Variants in GLCE observed in about 807,000 individuals in gnomAD.
The protein encoded by GLCE is D-glucuronyl C5-epimerase.
In GLCE, 19 loss-of-function variants were observed where a neutral mutation model predicts 47.9. The ratio of observed to expected loss-of-function variants is 0.40; its 90% confidence interval spans 0.28 to 0.58. GLCE has a LOEUF of 0.58. GLCE is among the 20% of genes least tolerant of loss of function. The pLI is 0.48. For missense variants in GLCE, 556 were observed against 743.3 expected (o/e 0.75, Z 2.93); for synonymous variants, 245 against 263.4 (o/e 0.93, Z 0.68).
At position 69,257,943 on chromosome 15, in the gene GLCE, CT is replaced by C. The variant is rs1312904605; in HGVS notation, c.586+1558del. On this transcript the variant is annotated intron_variant, in intron 3 of 4. Transcript: ENST00000261858. ...CCCATAACCACTATTAATATTTTGA[CT>C]TTTTTTCCCCATTCTTTTTGTTGTT... is the stretch of plus-strand genomic sequence containing the variant. Among the ~76,000 whole-genome samples, 4 of 151,584 alleles carry C rather than the reference CT, an allele frequency of 2.6e-5. No individual in the cohort carries two copies. In the East Asian group the frequency reaches 5.8e-4, roughly 22 times the overall value.
At chr15:69,228,927 A>G (rs1448109130) in intron 2 of GLCE, among the ~76,000 whole-genome samples, 2 of 152,154 alleles carry the variant, frequency 1.3e-5, no homozygotes, top group Non-Finnish European at 2.9e-5. Context: ...AGCTCAAACG[A>G]TTTGCCCACC....
chr15:69,240,181 C>G (rs898019851), intron 2 of GLCE, among the ~76,000 whole-genome samples: 1 of 150,568 alleles, frequency 6.6e-6, no homozygotes, highest in Non-Finnish European at 1.5e-5. Context: ...GTTCACATCT[C>G]TATCATGAAG....
intron 1 of GLCE, among the ~76,000 whole-genome samples, chr15:69,198,834 C>T (rs1283465404): frequency 5.3e-5 from 8 of 152,074 alleles, no homozygotes; most frequent in Admixed American, 2.0e-4. Flanking sequence ...GGATTACAGG[C>T]GTGAACCACC....
chr15:69,207,493 A>G (rs1301352894), intron 1 of GLCE, among the ~76,000 whole-genome samples: 1 of 152,118 alleles, frequency 6.6e-6, no homozygotes, highest in Non-Finnish European at 1.5e-5. Context: ...TCTGAATGCA[A>G]TCGTATAATA....
chr15:69,182,070 G>A (rs2051756176), intron 1 of GLCE, among the ~76,000 whole-genome samples: 1 of 151,920 alleles, frequency 6.6e-6, no homozygotes, highest in African/African-American at 2.4e-5. Flanking sequence ...ATAGGACACA[G>A]GGTCATAAGA....
At chr15:69,255,643 T>C (rs2052910112) in intron 2 of GLCE, among the ~76,000 whole-genome samples, 151 bp from the exon 3 acceptor site, 1 of 151,962 alleles carries the variant, frequency 6.6e-6, no homozygotes, top group Non-Finnish European at 1.5e-5. Flanking sequence ...TTTTTTGTGC[T>C]GAAAAGTTTG....
At position 69,269,021 on chromosome 15, in the gene GLCE, C is replaced by G; in HGVS notation, c.1631C>G (p.Ser544Cys). ...ARSLYERGMESLKAMLPLYDT... is the reference protein window; with the variant it reads ...ARSLYERGMECLKAMLPLYDT... ...TCCTTGTATGAGCGTGGCATGGAATCTCTTAAAGCCATGCTGCCCTTGTAT... is the reference window on the plus strand; with the variant it reads ...TCCTTGTATGAGCGTGGCATGGAATGTCTTAAAGCCATGCTGCCCTTGTAT... The change falls in exon 5 of 5, where the codon TCT becomes TGT. Residue 544 changes from serine (S) to cysteine (C), a missense_variant. Ser to Cys is a moderately radical substitution (Grantham distance 112). Coordinates refer to ENST00000261858, the MANE Select transcript of GLCE (RefSeq NM_015554.3). The G allele has an allele frequency of 6.2e-7, 1 of 1,614,086 alleles. No individual in the cohort carries two copies. Among genetic ancestry groups the G allele is most frequent in the African/African-American group, 1.3e-5 (1 of 75,050 alleles).
intron 2 of GLCE, among the ~76,000 whole-genome samples, chr15:69,248,476 G>A (rs979075140): frequency 1.3e-5 from 2 of 152,282 alleles, no homozygotes; most frequent in African/African-American, 2.4e-5. Context: ...TGGTTCAAAT[G>A]TCTGTTTTTT....
chr15:69,229,687 A>T (rs903239270), intron 2 of GLCE, among the ~76,000 whole-genome samples: 1 of 152,060 alleles, frequency 6.6e-6, no homozygotes, highest in African/African-American at 2.4e-5. Context: ...TGGAATTATG[A>T]AAATTACTTA....
At chr15:69,262,302 A>G (rs2053026359) in intron 4 of GLCE, among the ~76,000 whole-genome samples, 1 of 152,188 alleles carries the variant, frequency 6.6e-6, no homozygotes, top group Non-Finnish European at 1.5e-5. Context: ...CTCCCATGGC[A>G]TTCTGTGATA....
At chr15:69,161,206 A>T (rs934653779) in intron 1 of GLCE, among the ~76,000 whole-genome samples, 1 of 151,554 alleles carries the variant, frequency 6.6e-6, no homozygotes, top group Admixed American at 6.6e-5. Flanking sequence ...ACACCGGTGT[A>T]AACCTTGTCT....
chr15:69,253,999 A>G (rs769765033), intron 2 of GLCE, among the ~76,000 whole-genome samples: 1 of 152,214 alleles, frequency 6.6e-6, no homozygotes, highest in Non-Finnish European at 1.5e-5. Context: ...TTTGCCTTCC[A>G]TTGGAAGTAA....
At chr15:69,197,244 C>T in intron 1 of GLCE, 1 of 408,294 alleles carries the variant, frequency 2.4e-6, no homozygotes, top group Non-Finnish European at 4.9e-6. Flanking sequence ...CACCTGACTT[C>T]TTGCCAACTG....
rs147851689 is a variant in GLCE at position 69,163,095 on chromosome 15, C to T, written c.-105+2338C>T. 5.2e-3 allele frequency among the ~76,000 whole-genome samples: 795 copies of T among 152,312 alleles called. 11 individuals are homozygous for T. The highest frequency in any genetic ancestry group is 0.018 in the African/African-American group (748 of 41,546). On this transcript the variant is annotated intron_variant, in intron 1 of 4. Coordinates refer to ENST00000261858, the MANE Select transcript of GLCE (RefSeq NM_015554.3). ...ATACCTGGTTGACATTTACAGCTATCACAACTGATTGCTTGAGCAGATATT... is the reference window on the plus strand; with the variant it reads ...ATACCTGGTTGACATTTACAGCTATTACAACTGATTGCTTGAGCAGATATT...
At chr15:69,201,452 A>G (rs147346863) in intron 1 of GLCE, among the ~76,000 whole-genome samples, 208 of 152,064 alleles carry the variant, frequency 1.4e-3, no homozygotes, top group African/African-American at 4.9e-3. Flanking sequence ...CAGACATAGT[A>G]TCTGCCCTTG....
chr15:69,193,052 T>C (rs1446785757), intron 1 of GLCE, among the ~76,000 whole-genome samples: 1 of 152,100 alleles, frequency 6.6e-6, no homozygotes, highest in African/African-American at 2.4e-5. Context: ...TCTTTCCGTG[T>C]TGATCTCTTC....
chr15:69,168,527 C>T (rs1189787787), intron 1 of GLCE, among the ~76,000 whole-genome samples: 1 of 132,992 alleles, frequency 7.5e-6, no homozygotes, highest in Admixed American at 8.8e-5. Flanking sequence ...CTTTCCATTC[C>T]ATCTATTCCT....
At chr15:69,182,298 T>TGA (rs1032863178) in intron 1 of GLCE, among the ~76,000 whole-genome samples, 4,847 of 145,738 alleles carry the variant, frequency 0.033, 93 homozygotes, top group Non-Finnish European at 0.05. Flanking sequence ...TGTGTGTGTG[T>TGA]GAGAGAGAGA....
At chr15:69,216,665 C>T (rs1436635976) in intron 2 of GLCE, among the ~76,000 whole-genome samples, 1 of 152,046 alleles carries the variant, frequency 6.6e-6, no homozygotes, top group African/African-American at 2.4e-5. Context: ...GAAAGTTATA[C>T]AGCAAACTGT....
Sources: allele counts gnomAD v4.1 joint callset (sites outside exome capture counted in the v4.1 genomes callset), GRCh38; gene constraint gnomAD v4.1.1; transcripts MANE v1.5; gene names NCBI Gene and HGNC (gene_info 2026-07-23, HGNC 2026-07-21).